Variants in UNC13C observed in about 807,000 individuals in gnomAD.
UNC13C encodes the protein unc-13 homolog C, also known as protein unc-13 homolog C.
Under a neutral mutation model 245.4 loss-of-function variants are expected in UNC13C, and 174 were observed. The ratio of observed to expected loss-of-function variants is 0.71; its 90% CI spans 0.63 to 0.80. UNC13C has a LOEUF of 0.80. UNC13C is among the 30% of genes least tolerant of loss of function. The probability of loss-of-function intolerance (pLI) is 0.00; values close to 1 mark genes in which losing one functional copy is unlikely to be tolerated. For synonymous variants in UNC13C, 992 were observed against 895.1 expected, an observed-to-expected ratio of 1.11 and a Z score of -1.93; for missense variants, 2,829 against 2,602.9, an observed-to-expected ratio of 1.09 and a Z score of -1.89.
chr15:53,996,638 T>C (rs1350739129), intron 1 of UNC13C, among the ~76,000 whole-genome samples: 1 of 152,146 alleles, frequency 6.6e-6, no homozygotes, highest in Non-Finnish European at 1.5e-5. Context: ...ATCTCCACTC[T>C]TCATAGCCAA....
In UNC13C at chr15:54,015,840, C is replaced by T; in HGVS notation, c.2937C>T (p.Ala979=). The T allele has an allele frequency of 6.2e-7, 1 of 1,604,196 alleles. No individual in the cohort carries two copies. The highest frequency in any genetic ancestry group is 2.2e-5 in the East Asian group (1 of 44,738). Residue 979 remains alanine (A), a synonymous_variant, in exon 2 of 33, where the codon GCC becomes GCT. Transcript: ENST00000260323. ...RPSFKEAALR[A]YKKQMAELEE... ...CTTTCAAAGAAGCAGCTTTAAGGGC[C>T]TATAAAAAGCAAATGGCAGAGTTGG...
chr15:54,359,511 C>T (rs1159633528), intron 17 of UNC13C, among the ~76,000 whole-genome samples: 3 of 151,894 alleles, frequency 2.0e-5, no homozygotes, highest in Non-Finnish European at 4.4e-5. Flanking sequence ...TTGCCTCAGT[C>T]TTCTTCCTTA....
At chr15:54,539,493 T>G (rs969560381) in intron 26 of UNC13C, among the ~76,000 whole-genome samples, 1 of 152,030 alleles carries the variant, frequency 6.6e-6, no homozygotes, top group Non-Finnish European at 1.5e-5. Context: ...TCTGGACATT[T>G]TTATCTTAGT....
At chr15:54,599,125 G>A (rs1013019164) in intron 30 of UNC13C, among the ~76,000 whole-genome samples, 15 of 151,746 alleles carry the variant, frequency 9.9e-5, no homozygotes, top group South Asian at 2.1e-4. Context: ...ACATATATAG[G>A]TAGAGAAATA....
chr15:54,283,131 TAACTTGC>T (rs1401274794), intron 10 of UNC13C, among the ~76,000 whole-genome samples: 1 of 152,206 alleles, frequency 6.6e-6, no homozygotes, highest in Non-Finnish European at 1.5e-5. Context: ...TCCAAGGATT[TAACTTGC>T]AACTAGGCTT....
chr15:54,348,430 T>C (rs184675263), intron 17 of UNC13C, among the ~76,000 whole-genome samples: 9 of 152,310 alleles, frequency 5.9e-5, no homozygotes, highest in Non-Finnish European at 1.2e-4. Context: ...TCTATTTATC[T>C]TAATATTGAA....
chr15:54,119,741 A>T (rs2030535025), intron 2 of UNC13C, among the ~76,000 whole-genome samples: 1 of 152,218 alleles, frequency 6.6e-6, no homozygotes, highest in Non-Finnish European at 1.5e-5. Context: ...CTTGAAGGAA[A>T]TTAAAAATAC....
chr15:53,880,258 G>A, the UNC13C span, among the ~76,000 whole-genome samples: 1 of 152,108 alleles, frequency 6.6e-6, no homozygotes, highest in African/African-American at 2.4e-5. Context: ...GTTTTACTAG[G>A]ATCTGAGAAC....
At chr15:54,173,570 A>G (rs1405804190) in intron 4 of UNC13C, among the ~76,000 whole-genome samples, 1 of 152,058 alleles carries the variant, frequency 6.6e-6, no homozygotes, top group Non-Finnish European at 1.5e-5. Flanking sequence ...TTGATCTTGT[A>G]TTCTGCAACT....
intron 24 of UNC13C, among the ~76,000 whole-genome samples, chr15:54,519,018 G>A (rs1290208532): frequency 6.6e-6 from 1 of 152,086 alleles, no homozygotes. Context: ...AATTTCTTCA[G>A]AGGAAATAGC....
the UNC13C span, among the ~76,000 whole-genome samples, chr15:53,839,534 ATTTTC>A: frequency 6.6e-6 from 1 of 151,954 alleles, no homozygotes; most frequent in Admixed American, 6.6e-5. Flanking sequence ...AATTTTCATC[ATTTTC>A]TTTTCAACCT....
At chr15:54,124,459 A>G (rs947401275) in intron 2 of UNC13C, among the ~76,000 whole-genome samples, 1 of 152,168 alleles carries the variant, frequency 6.6e-6, no homozygotes, top group Non-Finnish European at 1.5e-5. Flanking sequence ...AACTGTCTGT[A>G]TCTTTTGCCA....
At chr15:54,399,996 A>G (rs755566805) in intron 18 of UNC13C, among the ~76,000 whole-genome samples, 5 of 151,984 alleles carry the variant, frequency 3.3e-5, no homozygotes, top group Non-Finnish European at 7.4e-5. Context: ...AGTCCTGTAT[A>G]TCCATTATTC....
At chr15:54,116,546 A>C (rs568176179) in intron 2 of UNC13C, among the ~76,000 whole-genome samples, 1 of 152,288 alleles carries the variant, frequency 6.6e-6, no homozygotes, top group East Asian at 1.9e-4. Context: ...TTCTGTGCTT[A>C]GCATATTTCA....
At chr15:54,625,445 G>GCAATTTACCAAGATGGAAGAAGAAAT (rs1901073148) in intron 32 of UNC13C, among the ~76,000 whole-genome samples, 1 of 152,088 alleles carries the variant, frequency 6.6e-6, no homozygotes. Flanking sequence ...TGGGAAGATA[G>GCAATTTACCAAGATGGAAGAAGAAAT]CAATTTACCA....
chr15:54,394,830 T>C (rs1430299431), intron 18 of UNC13C, among the ~76,000 whole-genome samples: 1 of 151,884 alleles, frequency 6.6e-6, no homozygotes, highest in Non-Finnish European at 1.5e-5. Flanking sequence ...TTTGTAATCA[T>C]GTGCCACAAA....
At chr15:54,138,953 ATT>A (rs56255946) in intron 2 of UNC13C, among the ~76,000 whole-genome samples, 23 of 48,640 alleles carry the variant, frequency 4.7e-4, no homozygotes, top group South Asian at 1.4e-3. Context: ...ATTTCCCCTA[ATT>A]TTTTTTTTTT....
chr15:53,885,178 G>A, the UNC13C span, among the ~76,000 whole-genome samples: 1 of 152,172 alleles, frequency 6.6e-6, no homozygotes, highest in African/African-American at 2.4e-5. Context: ...TTGAACAAAC[G>A]GAAATTGGAA....
chr15:54,002,201 G>A (rs1244351044), intron 1 of UNC13C, among the ~76,000 whole-genome samples: 3 of 152,170 alleles, frequency 2.0e-5, no homozygotes, highest in South Asian at 4.1e-4. Context: ...CAGGAGAATG[G>A]TGTGAACCTG....
Sources: allele counts gnomAD v4.1 joint callset (sites outside exome capture counted in the v4.1 genomes callset), GRCh38; gene constraint gnomAD v4.1.1; transcripts MANE v1.5; gene names NCBI Gene and HGNC (gene_info 2026-07-23, HGNC 2026-07-21).